Variants in PHF21B observed in about 807,000 individuals in gnomAD.
PHF21B encodes PHD finger protein 21B, also known as PHD finger protein 4.
In PHF21B, 22 loss-of-function variants were observed where a neutral mutation model predicts 62.2. That is an observed-to-expected ratio of 0.35 (90% CI 0.25 to 0.51). The LOEUF is 0.51. Ranked by LOEUF, PHF21B falls within the 20% of genes least tolerant of loss-of-function variation. PHF21B has a pLI of 0.97. For missense variants in PHF21B, 701 were observed against 707.9 expected, an observed-to-expected ratio of 0.99 and a Z score of 0.11; for synonymous variants, 341 against 314.7, an observed-to-expected ratio of 1.08 and a Z score of -0.88.
intron 2 of PHF21B, among the ~76,000 whole-genome samples, chr22:44,973,796 G>C (rs1384863894): frequency 6.6e-6 from 1 of 152,184 alleles, no homozygotes; most frequent in Admixed American, 6.5e-5. Flanking sequence ...TGTGGCTCTT[G>C]TCCCCAGAAG....
chr22:44,894,790 T>C (rs1263613786), intron 6 of PHF21B, among the ~76,000 whole-genome samples: 2 of 152,072 alleles, frequency 1.3e-5, no homozygotes, highest in African/African-American at 4.8e-5. Context: ...CCAGGGGACA[T>C]AAAGGGAGAG....
At chr22:44,937,653 A>G (rs2071876409) in intron 2 of PHF21B, among the ~76,000 whole-genome samples, 1 of 152,278 alleles carries the variant, frequency 6.6e-6, no homozygotes, top group Non-Finnish European at 1.5e-5. Context: ...AGCTTTATTC[A>G]TAATCTCTTA....
intron 2 of PHF21B, among the ~76,000 whole-genome samples, chr22:44,977,497 G>A (rs964983053): frequency 7.9e-5 from 12 of 152,014 alleles, no homozygotes; most frequent in African/African-American, 1.4e-4. Context: ...CCTGAGAGGC[G>A]GAGGTTGCAG....
chr22:44,891,363 G>A lies in PHF21B; in HGVS notation c.961-3C>T, dbSNP rs750275323. ...TAGTTGGAGGCCAGCCGTTTCCTCT[G>A]CAGGGACAGAAAACAAAACAACACA... On this transcript the variant is annotated splice_polypyrimidine_tract_variant and splice_region_variant and intron_variant, in intron 7 of 12. Transcript: ENST00000313237. The A allele has an allele frequency of 5.0e-6, 8 of 1,613,686 alleles. No individual in the cohort carries two copies. Among genetic ancestry groups the A allele is most frequent in the Non-Finnish European group, 6.8e-6 (8 of 1,179,916 alleles).
chr22:44,966,328 C>T (rs1457437940), intron 2 of PHF21B, among the ~76,000 whole-genome samples: 1 of 152,242 alleles, frequency 6.6e-6, no homozygotes, highest in Non-Finnish European at 1.5e-5. Context: ...AAGTCTGAAC[C>T]TTGTCGGGTG....
chr22:44,986,420 T>C (rs1011545009), intron 2 of PHF21B, among the ~76,000 whole-genome samples: 6 of 149,638 alleles, frequency 4.0e-5, no homozygotes, highest in African/African-American at 1.5e-4. Context: ...CATTACCACC[T>C]GCATCCGCAT....
intron 2 of PHF21B, among the ~76,000 whole-genome samples, chr22:44,977,381 A>G (rs2072756924): frequency 6.6e-6 from 1 of 152,112 alleles, no homozygotes; most frequent in African/African-American, 2.4e-5. Context: ...CCTGGCCAAC[A>G]TGGTGAAACC....
At chr22:44,936,162 T>C (rs2071842520) in intron 2 of PHF21B, among the ~76,000 whole-genome samples, 1 of 152,236 alleles carries the variant, frequency 6.6e-6, no homozygotes, top group South Asian at 2.1e-4. Context: ...TCTTCACTCC[T>C]GGGATGAATG....
In PHF21B at chr22:44,916,409, A is replaced by ACTGCTCAGC; in HGVS notation, c.426_434dup (p.Ser144_Ser145insArgLeuSer). ...AGATGATGGCGTAGGCCACCCCCGCACTGCTCAGCGGAGAGGCGAGGGCGG... is the reference window on the plus strand; with the variant it reads ...AGATGATGGCGTAGGCCACCCCCGCACTGCTCAGCCTGCTCAGCGGAGAGGCGAGGGCGG... On this transcript the variant is annotated inframe_insertion, in exon 4 of 13. Coordinates refer to ENST00000313237, the MANE Select transcript of PHF21B (RefSeq NM_138415.5). The ACTGCTCAGC allele has an allele frequency of 1.3e-6, 2 of 1,598,240 alleles. No individual in the cohort carries two copies. The highest frequency in any genetic ancestry group is 2.2e-5 in the South Asian group (2 of 90,532).
chr22:44,975,756 C>A lies in PHF21B; in HGVS notation c.120+32789G>T, dbSNP rs115482571. On this transcript the variant is annotated intron_variant, in intron 2 of 12. Transcript: ENST00000313237. Reference sequence around the variant, plus strand: ...TGTCCGTGGTGCTGAACCAGCAGGGCTCTTGGGGCCAGCGGGTCCTCCCAC... The same window carrying A: ...TGTCCGTGGTGCTGAACCAGCAGGGATCTTGGGGCCAGCGGGTCCTCCCAC... Among the ~76,000 whole-genome samples, 636 of 152,356 alleles carry A rather than the reference C, an allele frequency of 4.2e-3. 6 individuals carry two copies. Among genetic ancestry groups the A allele is most frequent in the African/African-American group, 0.013 (552 of 41,582 alleles).
intron 2 of PHF21B, among the ~76,000 whole-genome samples, chr22:45,002,659 G>T (rs1208838713): frequency 1.3e-5 from 2 of 152,204 alleles, no homozygotes; most frequent in Non-Finnish European, 2.9e-5. Flanking sequence ...CTTCTGACCT[G>T]CCCTCAGCAC....
At chr22:44,978,740 C>G (rs992774314) in intron 2 of PHF21B, among the ~76,000 whole-genome samples, 1 of 152,206 alleles carries the variant, frequency 6.6e-6, no homozygotes, top group Non-Finnish European at 1.5e-5. Context: ...TTTTCCTCTT[C>G]TACTACACCT....
At chr22:44,968,643 CAAAAAAAA>C (rs57203297) in intron 2 of PHF21B, among the ~76,000 whole-genome samples, 2 of 113,776 alleles carry the variant, frequency 1.8e-5, no homozygotes, top group Non-Finnish European at 1.9e-5. Context: ...GATTCCATCT[CAAAAAAAA>C]AAAAAAAAAA....
chr22:44,963,766 C>T (rs2072470899), intron 2 of PHF21B, among the ~76,000 whole-genome samples: 1 of 152,234 alleles, frequency 6.6e-6, no homozygotes, highest in Admixed American at 6.5e-5. Context: ...GAAGGACAAA[C>T]ACCACCAAAG....
rs201416535 is a variant in PHF21B at position 44,883,083 on chromosome 22, G to C, written c.*3C>G. 1.6e-5 allele frequency: 26 copies of C among 1,607,730 alleles called. No homozygotes were observed. In the African/African-American group the frequency reaches 3.3e-4, roughly 21 times the overall value. On this transcript the variant is annotated 3_prime_UTR_variant, in exon 13 of 13. Transcript: ENST00000313237. ...CGTGGGTATGAAGACTGGTCCCTCG[G>C]GGTCAGTTGTGGCCCTGGGGGTGCT...
In PHF21B at chr22:45,009,113, G is replaced by A. The variant is rs1353226760; in HGVS notation, c.54+383C>T. ...CGCCAAAACTACTTCTGCACACCGG[G>A]CAGGTTCGCCCGGGGCGCGGGGGCC... On this transcript the variant is annotated intron_variant, in intron 1 of 12. Transcript: ENST00000313237. This position sits in a 1 kb window ranked among gnomAD's most constrained non-coding sequence, Gnocchi z 5.9. 4 of 954,538 alleles carry A rather than the reference G, an allele frequency of 4.2e-6. No homozygotes were observed. The highest frequency in any genetic ancestry group is 1.3e-6 in the Non-Finnish European group (1 of 751,474). 59.1% of individuals were successfully genotyped at this position (954,538 alleles called of 1,614,324 possible).
intron 2 of PHF21B, among the ~76,000 whole-genome samples, chr22:44,998,894 C>T (rs1278242566): frequency 6.6e-6 from 1 of 152,200 alleles, no homozygotes; most frequent in Non-Finnish European, 1.5e-5. Context: ...AGAGGGGCTC[C>T]AACACCCCCA....
intron 6 of PHF21B, among the ~76,000 whole-genome samples, chr22:44,895,356 C>T (rs112688528): frequency 1.1e-4 from 16 of 152,314 alleles, no homozygotes; most frequent in African/African-American, 3.9e-4. Flanking sequence ...ATGATGTTCA[C>T]GGCCCATGTG....
intron 2 of PHF21B, among the ~76,000 whole-genome samples, chr22:44,945,631 C>T (rs79174704): frequency 0.017 from 2,562 of 151,882 alleles, 78 homozygotes; most frequent in African/African-American, 0.058. Flanking sequence ...AGGGCCTGAT[C>T]GTGGGGACAG....
Sources: allele counts gnomAD v4.1 joint callset (sites outside exome capture counted in the v4.1 genomes callset), GRCh38; gene constraint gnomAD v4.1.1; non-coding constraint Gnocchi (gnomAD v3.1); transcripts MANE v1.5; gene names NCBI Gene and HGNC (gene_info 2026-07-23, HGNC 2026-07-21).